CNTN5: variants seen among roughly 807,000 people sequenced by gnomAD.
CNTN5 encodes the protein contactin 5.
Under a neutral mutation model 129.1 loss-of-function variants are expected in CNTN5, and 77 were observed. The ratio of observed to expected loss-of-function variants is 0.60; its 90% CI spans 0.50 to 0.72. The LOEUF is 0.72. Ranked by LOEUF, CNTN5 falls within the 30% of genes least tolerant of loss-of-function variation. The pLI is 0.00. For missense variants in CNTN5, 1,478 were observed against 1,328.8 expected, an observed-to-expected ratio of 1.11 and a Z score of -1.75; for synonymous variants, 509 against 465.6, an observed-to-expected ratio of 1.09 and a Z score of -1.20.
At chr11:99,736,015 CT>C (rs149008392) in intron 3 of CNTN5, among the ~76,000 whole-genome samples, 49 of 151,898 alleles carry the variant, frequency 3.2e-4, no homozygotes, top group Admixed American at 9.8e-4. Context: ...TTTTCTTTCT[CT>C]TTTTTTTCTC....
intron 2 of CNTN5, among the ~76,000 whole-genome samples, chr11:99,326,696 A>G (rs1024962523): frequency 5.3e-5 from 8 of 152,166 alleles, no homozygotes; most frequent in African/African-American, 1.7e-4. Flanking sequence ...TGTACCAGGT[A>G]TCTCTAAATT....
chr11:99,110,706 C>T (rs1176447417), intron 1 of CNTN5, among the ~76,000 whole-genome samples: 1 of 152,070 alleles, frequency 6.6e-6, no homozygotes, highest in Non-Finnish European at 1.5e-5. Context: ...TTTCTCATTA[C>T]TGAAGAAGTT....
At chr11:99,796,967 C>A (rs1343979056) in intron 3 of CNTN5, among the ~76,000 whole-genome samples, 7 of 152,030 alleles carry the variant, frequency 4.6e-5, no homozygotes, top group African/African-American at 1.4e-4. Flanking sequence ...CAATTCACTC[C>A]ATCCCTAGGA....
chr11:99,111,202 G>T (rs773369248), intron 1 of CNTN5, among the ~76,000 whole-genome samples: 1 of 152,044 alleles, frequency 6.6e-6, no homozygotes, highest in Non-Finnish European at 1.5e-5. Flanking sequence ...ATCTAAGCAG[G>T]TGACTCTGTA....
intron 9 of CNTN5, among the ~76,000 whole-genome samples, chr11:100,029,339 T>C (rs894098465): frequency 6.6e-6 from 1 of 152,124 alleles, no homozygotes; most frequent in African/African-American, 2.4e-5. Context: ...TCCCAGCACT[T>C]TGGGAGGCTG....
intron 9 of CNTN5, among the ~76,000 whole-genome samples, chr11:100,013,872 T>C (rs1467893119): frequency 6.6e-6 from 1 of 152,224 alleles, no homozygotes; most frequent in Non-Finnish European, 1.5e-5. Flanking sequence ...ATGACAATAC[T>C]CAATTTTTAA....
At chr11:99,621,667 G>T (rs775265149) in intron 3 of CNTN5, among the ~76,000 whole-genome samples, 1 of 152,144 alleles carries the variant, frequency 6.6e-6, no homozygotes, top group Non-Finnish European at 1.5e-5. Flanking sequence ...ATTGGTAATA[G>T]AACAACATAT....
At chr11:99,471,327 A>C (rs1945164006) in intron 2 of CNTN5, among the ~76,000 whole-genome samples, 1 of 152,066 alleles carries the variant, frequency 6.6e-6, no homozygotes, top group Non-Finnish European at 1.5e-5. Context: ...ACTTGGAATC[A>C]CAGGTATGTT....
intron 1 of CNTN5, among the ~76,000 whole-genome samples, chr11:99,047,717 C>T (rs1406773357): frequency 3.9e-5 from 6 of 151,976 alleles, no homozygotes; most frequent in Non-Finnish European, 7.4e-5. Flanking sequence ...CTTCAAAATG[C>T]CTAAATTAAC....
At chr11:99,753,802 C>T (rs1944318523) in intron 3 of CNTN5, among the ~76,000 whole-genome samples, 2 of 150,238 alleles carry the variant, frequency 1.3e-5, no homozygotes, top group South Asian at 4.2e-4. Flanking sequence ...ATTCTCATGC[C>T]TCAGCCTCCC....
chr11:100,333,864 A>G (rs563406206), intron 21 of CNTN5, among the ~76,000 whole-genome samples: 1 of 152,324 alleles, frequency 6.6e-6, no homozygotes, highest in East Asian at 1.9e-4. Flanking sequence ...CCTTCTAGAC[A>G]TCAGCTTAGG....
At chr11:100,093,103 G>A (rs1224502344) in intron 13 of CNTN5, among the ~76,000 whole-genome samples, 1 of 151,954 alleles carries the variant, frequency 6.6e-6, no homozygotes, top group Non-Finnish European at 1.5e-5. Flanking sequence ...TCCCTGATCC[G>A]CCATACATGT....
intron 1 of CNTN5, among the ~76,000 whole-genome samples, chr11:99,191,515 G>A (rs901666054): frequency 6.6e-6 from 1 of 151,750 alleles, no homozygotes; most frequent in African/African-American, 2.4e-5. Flanking sequence ...AACCCCTGGA[G>A]AATCTTCTTA....
At chr11:99,848,353 G>A (rs907736335) in intron 6 of CNTN5, among the ~76,000 whole-genome samples, 3 of 152,020 alleles carry the variant, frequency 2.0e-5, no homozygotes, top group Non-Finnish European at 4.4e-5. Context: ...GGATTTTTGT[G>A]GAGGAATGCT....
chr11:99,703,828 C>T (rs1954634865), intron 3 of CNTN5, among the ~76,000 whole-genome samples: 1 of 150,848 alleles, frequency 6.6e-6, no homozygotes, highest in African/African-American at 2.4e-5. Context: ...ATTCAACTAT[C>T]ATTAGATCCA....
At chr11:99,062,890 C>G (rs1335834580) in intron 1 of CNTN5, among the ~76,000 whole-genome samples, 1 of 151,988 alleles carries the variant, frequency 6.6e-6, no homozygotes, top group Non-Finnish European at 1.5e-5. Context: ...TAAGGAATCA[C>G]TTGGCAAGGA....
rs147410743 is a variant in CNTN5 at position 100,127,913 on chromosome 11, G to A, written c.1580+53619G>A. Among the ~76,000 whole-genome samples, 860 of 151,700 alleles carry A rather than the reference G, an allele frequency of 5.7e-3. 13 individuals are homozygous for A. The highest frequency in any genetic ancestry group is 0.019 in the African/African-American group (794 of 41,378). ...TGACCTCAGGTGATCTGCCCACCTC[G>A]GCCTCCCAAAGTTCTGGGATTACAG... On this transcript the variant is annotated intron_variant, in intron 13 of 24. Transcript: ENST00000524871.
intron 3 of CNTN5, among the ~76,000 whole-genome samples, chr11:99,756,963 T>C (rs557476271): frequency 1.9e-4 from 29 of 151,684 alleles, no homozygotes; most frequent in African/African-American, 6.5e-4. Flanking sequence ...CATGTGCTAA[T>C]GCCAAACTTT....
intron 1 of CNTN5, among the ~76,000 whole-genome samples, chr11:99,081,362 G>A (rs1281575496): frequency 6.6e-6 from 1 of 152,124 alleles, no homozygotes; most frequent in African/African-American, 2.4e-5. Flanking sequence ...TAAAGCGTAG[G>A]CAGATGTGTA....
Sources: allele counts gnomAD v4.1 joint callset (sites outside exome capture counted in the v4.1 genomes callset), GRCh38; gene constraint gnomAD v4.1.1; transcripts MANE v1.5; gene names NCBI Gene and HGNC (gene_info 2026-07-23, HGNC 2026-07-21).